Variants in TANC2 observed in about 807,000 individuals in gnomAD.
The protein encoded by TANC2 is tetratricopeptide repeat, ankyrin repeat and coiled-coil containing 2, also known as protein TANC2.
TANC2 carries 26 observed loss-of-function variants against 210.5 expected under a neutral mutation model. That is an observed-to-expected ratio of 0.12 (90% CI 0.09 to 0.17). The LOEUF is 0.17. Among genes scored for constraint, TANC2 ranks in the 10% least tolerant of loss-of-function variants. The pLI, the probability that TANC2 is intolerant of heterozygous loss-of-function variation, is 1.00. For missense variants in TANC2, 2,129 were observed against 2,608.9 expected (o/e 0.82, Z 4.01); for synonymous variants, 931 against 967.1 (o/e 0.96, Z 0.69).
chr17:63,061,959 T>G (rs1439616559), intron 2 of TANC2, among the ~76,000 whole-genome samples: 1 of 152,168 alleles, frequency 6.6e-6, no homozygotes, highest in African/African-American at 2.4e-5. Flanking sequence ...TCTCTTCATT[T>G]CTGAGTTTTT....
At chr17:63,315,153 T>C (rs558175609) in intron 10 of TANC2, among the ~76,000 whole-genome samples, 1 of 152,224 alleles carries the variant, frequency 6.6e-6, no homozygotes, top group African/African-American at 2.4e-5. Context: ...GAAAAGGTGC[T>C]GAGCTCTCAT....
At chr17:63,362,522 G>A (rs1356581770) in intron 14 of TANC2, among the ~76,000 whole-genome samples, 1 of 151,588 alleles carries the variant, frequency 6.6e-6, no homozygotes, top group Non-Finnish European at 1.5e-5. Context: ...ATGCCGAGAG[G>A]CACCTGCAGG....
intron 8 of TANC2, among the ~76,000 whole-genome samples, chr17:63,243,309 T>C (rs772020823): frequency 1.3e-5 from 2 of 152,358 alleles, no homozygotes; most frequent in South Asian, 4.1e-4. Flanking sequence ...ATTAAAGGTA[T>C]ATAAAGCTAT....
chr17:63,191,314 T>A (rs1230984344), intron 5 of TANC2, among the ~76,000 whole-genome samples: 4 of 149,712 alleles, frequency 2.7e-5, no homozygotes, highest in Non-Finnish European at 5.9e-5. Flanking sequence ...GTAATTGTGG[T>A]TTTTGCCATT....
intron 9 of TANC2, among the ~76,000 whole-genome samples, chr17:63,308,569 A>AT (rs2045005551): frequency 1.3e-5 from 2 of 152,136 alleles, no homozygotes; most frequent in Non-Finnish European, 2.9e-5. Context: ...ATATTTATAT[A>AT]TTTTTTGATT....
chr17:63,398,689 A>G (rs1180330509), intron 18 of TANC2, 132 bp from the exon 19 acceptor site: 4 of 576,602 alleles, frequency 6.9e-6, no homozygotes, highest in Admixed American at 3.2e-5. Flanking sequence ...AGGACGGTCA[A>G]TTCTGATTCC....
intron 4 of TANC2, among the ~76,000 whole-genome samples, chr17:63,113,254 ATATATT>A (rs2038122393): frequency 6.6e-6 from 1 of 152,206 alleles, no homozygotes; most frequent in African/African-American, 2.4e-5. Context: ...ATGCTAAACT[ATATATT>A]TATTCTCATT....
chr17:63,085,018 A>C (rs1049832211), intron 3 of TANC2, among the ~76,000 whole-genome samples: 7 of 152,082 alleles, frequency 4.6e-5, no homozygotes, highest in African/African-American at 1.7e-4. Flanking sequence ...GTTGAGTTCA[A>C]CTGTGTCCTT....
intron 4 of TANC2, among the ~76,000 whole-genome samples, chr17:63,100,907 T>C (rs2037596453): frequency 6.6e-6 from 1 of 152,208 alleles, no homozygotes; most frequent in Non-Finnish European, 1.5e-5. Context: ...GTATGAACTT[T>C]TGAGTTTTAA....
chr17:63,158,875 G>T (rs1200511525), intron 5 of TANC2, among the ~76,000 whole-genome samples: 4 of 152,184 alleles, frequency 2.6e-5, no homozygotes, highest in Non-Finnish European at 4.4e-5. Context: ...ACTAGGGAAG[G>T]ATCTTCTTTT....
At chr17:63,313,514 C>A (rs549221655) in intron 9 of TANC2, 1 of 152,190 alleles carries the variant, frequency 6.6e-6, no homozygotes, top group African/African-American at 2.4e-5. Context: ...CCTTAGCACA[C>A]CCCATAATTA....
chr17:63,364,070 C>T (rs145833522), intron 14 of TANC2, among the ~76,000 whole-genome samples: 2 of 152,080 alleles, frequency 1.3e-5, no homozygotes, highest in Non-Finnish European at 2.9e-5. Flanking sequence ...TCCTATTATC[C>T]ACTTTCTAAC....
Position 63,421,435 on chromosome 17 carries a change from G to T in TANC2, c.5705G>T (p.Arg1902Met). ...ATCCCACTGAAACCTGCATATGAGAGGTCATGTGACGAGCTGTCGCCAGTG... is the reference window on the plus strand; with the variant it reads ...ATCCCACTGAAACCTGCATATGAGATGTCATGTGACGAGCTGTCGCCAGTG... The change falls in exon 28 of 28, where the codon AGG (arginine) becomes ATG (methionine). Residue 1902 changes from arginine (R) to methionine (M), a missense_variant. This residue lies in a region of TANC2 where 584 missense variants were observed against 627.3 expected (regional missense o/e 0.93). Transcript: ENST00000689528. This position sits in a 1 kb window ranked among gnomAD's most constrained non-coding sequence, Gnocchi z 6.9. 6.2e-7 allele frequency: 1 copy of T among 1,613,976 alleles called. No homozygotes were observed. Among genetic ancestry groups the T allele is most frequent in the Non-Finnish European group, 8.5e-7 (1 of 1,179,900 alleles).
At chr17:63,144,656 TGAGA>T (rs1038972301) in intron 4 of TANC2, among the ~76,000 whole-genome samples, 3 of 152,074 alleles carry the variant, frequency 2.0e-5, no homozygotes, top group Admixed American at 2.0e-4. Context: ...TAGAGGGAGA[TGAGA>T]GGTTTATAAA....
intron 13 of TANC2, among the ~76,000 whole-genome samples, chr17:63,352,964 G>A (rs1598921971): frequency 6.6e-6 from 1 of 152,260 alleles, no homozygotes; most frequent in East Asian, 1.9e-4. Context: ...TACAGGTAGT[G>A]TTGAGTGCTA....
At chr17:63,101,563 A>G (rs901021035) in intron 4 of TANC2, among the ~76,000 whole-genome samples, 4 of 152,306 alleles carry the variant, frequency 2.6e-5, no homozygotes, top group African/African-American at 9.6e-5. Context: ...TTCAACAGAT[A>G]TTTGTCTAAG....
At chr17:63,227,223 T>C (rs2042351798) in intron 7 of TANC2, among the ~76,000 whole-genome samples, 1 of 152,328 alleles carries the variant, frequency 6.6e-6, no homozygotes, top group African/African-American at 2.4e-5. Context: ...CCACCAATAG[T>C]GTAAAAGTAT....
At chr17:62,987,332 GC>G (rs934040076) in intron 1 of TANC2, among the ~76,000 whole-genome samples, 4 of 152,150 alleles carry the variant, frequency 2.6e-5, no homozygotes, top group African/African-American at 9.7e-5. Flanking sequence ...GTGGCTACTG[GC>G]CCCCAGATGA....
chr17:63,173,846 A>T (rs2040491208), intron 5 of TANC2, among the ~76,000 whole-genome samples: 1 of 152,366 alleles, frequency 6.6e-6, no homozygotes, highest in East Asian at 1.9e-4. Flanking sequence ...TTCATATAAA[A>T]AAATTAAGTG....
Sources: gnomAD v4.1 joint callset for allele counts (sites outside exome capture counted in the v4.1 genomes callset) on GRCh38, gnomAD v4.1.1 for gene constraint, gnomAD v4.1.1 regional missense constraint, Gnocchi (gnomAD v3.1) non-coding constraint, MANE v1.5 for transcripts, NCBI Gene and HGNC (gene_info 2026-07-23, HGNC 2026-07-21) for gene names.